SBF2: variants seen among roughly 807,000 people sequenced by gnomAD.
SBF2 encodes myotubularin-related protein 13.
SBF2 carries 112 observed loss-of-function variants against 225.2 expected under a neutral mutation model. That is an observed-to-expected ratio of 0.50 (90% CI 0.43 to 0.58). The LOEUF (loss-of-function observed/expected upper bound fraction) is 0.58, where lower values mean the gene tolerates loss of function less well. Ranked by LOEUF, SBF2 falls within the 20% of genes least tolerant of loss-of-function variation. The probability of loss-of-function intolerance (pLI) is 0.00; values close to 1 mark genes in which losing one functional copy is unlikely to be tolerated. For synonymous variants in SBF2, 763 were observed against 773.3 expected, an observed-to-expected ratio of 0.99 and a Z score of 0.22; for missense variants, 1,996 against 2,206.2, an observed-to-expected ratio of 0.90 and a Z score of 1.91.
intron 16 of SBF2, among the ~76,000 whole-genome samples, chr11:9,934,122 G>A (rs1196741781): frequency 6.6e-6 from 1 of 151,412 alleles, no homozygotes; most frequent in Non-Finnish European, 1.5e-5. Flanking sequence ...ATGATAAAGG[G>A]GATATCACCA....
intron 17 of SBF2, among the ~76,000 whole-genome samples, chr11:9,886,745 C>A (rs367780428): frequency 6.9e-6 from 1 of 144,570 alleles, no homozygotes; most frequent in African/African-American, 2.5e-5. Flanking sequence ...ACTTCACCCA[C>A]TCTTTATCTC....
At chr11:9,809,225 G>C (rs888531766) in intron 30 of SBF2, 10 of 465,254 alleles carry the variant, frequency 2.1e-5, no homozygotes, top group Non-Finnish European at 3.9e-5. Context: ...CAGCACTTTG[G>C]GAGGCCGAGC....
At chr11:9,851,893 C>T (rs920308363) in intron 21 of SBF2, among the ~76,000 whole-genome samples, 5 of 152,158 alleles carry the variant, frequency 3.3e-5, no homozygotes, top group Non-Finnish European at 7.3e-5. Context: ...ACTTCAGCCT[C>T]CTGAGTATCT....
chr11:10,111,797 A>G (rs1952868128), intron 2 of SBF2, among the ~76,000 whole-genome samples: 1 of 152,232 alleles, frequency 6.6e-6, no homozygotes, highest in South Asian at 2.1e-4. Flanking sequence ...GAATCGCTTG[A>G]ACCCGGGAGA....
At chr11:9,938,408 G>T (rs538155967) in intron 16 of SBF2, among the ~76,000 whole-genome samples, 6 of 148,188 alleles carry the variant, frequency 4.0e-5, no homozygotes, top group Admixed American at 6.7e-5. Context: ...TCGGGGAACT[G>T]AACAGTATTG....
At chr11:10,026,464 C>A (rs990657415) in intron 6 of SBF2, among the ~76,000 whole-genome samples, 3 of 152,180 alleles carry the variant, frequency 2.0e-5, no homozygotes, top group African/African-American at 7.2e-5. Flanking sequence ...CATGCAGTGG[C>A]TCATGCCTAT....
chr11:10,008,880 C>A, intron 6 of SBF2, among the ~76,000 whole-genome samples: 1 of 152,292 alleles, frequency 6.6e-6, no homozygotes, highest in East Asian at 1.9e-4. Context: ...CTGGAGCAGC[C>A]TTCTCAATGC....
rs148625171 is a variant in SBF2 at position 9,845,737 on chromosome 11, T to C, written c.2938A>G (p.Ile980Val). Residue 980 changes from isoleucine to valine, a missense_variant, in exon 24 of 40, where the codon ATT (isoleucine) becomes GTT (valine). Transcript: ENST00000256190. ...LQITSASFQL[I>V]KVAFDEEVSP... ...ACTTCTTCATCAAATGCTACCTTAATCAACTAGAAGCAAAAGAGATTAAAC... is the reference window on the plus strand; with the variant it reads ...ACTTCTTCATCAAATGCTACCTTAACCAACTAGAAGCAAAAGAGATTAAAC... 3.9e-5 allele frequency: 63 copies of C among 1,613,492 alleles called. No individual in the cohort carries two copies. In the African/African-American group the frequency reaches 7.3e-4, roughly 19 times the overall value.
At chr11:10,116,949 A>G (rs1953170439) in intron 2 of SBF2, among the ~76,000 whole-genome samples, 1 of 152,242 alleles carries the variant, frequency 6.6e-6, no homozygotes, top group South Asian at 2.1e-4. Context: ...TATGGAAAAC[A>G]TTATTGATCA....
At chr11:9,893,977 G>T (rs1289260668) in intron 17 of SBF2, among the ~76,000 whole-genome samples, 2 of 152,164 alleles carry the variant, frequency 1.3e-5, no homozygotes, top group Non-Finnish European at 1.5e-5. Flanking sequence ...CAGGCGTGGT[G>T]GCTCACCACT....
chr11:10,076,924 A>G (rs1463287374), intron 2 of SBF2, among the ~76,000 whole-genome samples: 1 of 152,168 alleles, frequency 6.6e-6, no homozygotes, highest in Non-Finnish European at 1.5e-5. Context: ...ATCAACCTGC[A>G]TCTGAGGAAG....
intron 3 of SBF2, among the ~76,000 whole-genome samples, chr11:10,041,363 C>T (rs558409664): frequency 9.0e-4 from 137 of 152,230 alleles, no homozygotes; most frequent in African/African-American, 3.1e-3. Flanking sequence ...TTTCTGTCCC[C>T]ATTGATAACA....
intron 14 of SBF2, among the ~76,000 whole-genome samples, chr11:9,964,971 A>C (rs940304950): frequency 6.6e-6 from 1 of 152,102 alleles, no homozygotes; most frequent in East Asian, 1.9e-4. Flanking sequence ...CCATCAACCA[A>C]AATGATGTAT....
chr11:10,218,320 A>ACC (rs57770393), intron 1 of SBF2, among the ~76,000 whole-genome samples: 6 of 76,552 alleles, frequency 7.8e-5, no homozygotes, highest in African/African-American at 1.4e-4. Context: ...GGAAAGACCC[A>ACC]CCCCCCCCCC....
At chr11:9,858,640 C>A (rs1365515759) in intron 17 of SBF2, among the ~76,000 whole-genome samples, 1 of 152,022 alleles carries the variant, frequency 6.6e-6, no homozygotes, top group Non-Finnish European at 1.5e-5. Flanking sequence ...AGCTAAAAAT[C>A]AAAGCTGTTA....
intron 2 of SBF2, among the ~76,000 whole-genome samples, chr11:10,184,571 C>G (rs1192482557): frequency 4.6e-5 from 7 of 152,158 alleles, no homozygotes; most frequent in Non-Finnish European, 1.0e-4. Flanking sequence ...CTCTTTCCAT[C>G]TTGCAAAATT....
chr11:9,893,601 T>A (rs929872037), intron 17 of SBF2, among the ~76,000 whole-genome samples: 1 of 152,204 alleles, frequency 6.6e-6, no homozygotes, highest in Non-Finnish European at 1.5e-5. Context: ...GTTTCAGTGG[T>A]ACCCCAGGTG....
intron 2 of SBF2, among the ~76,000 whole-genome samples, chr11:10,100,506 TAGAG>T (rs1252018711): frequency 1.3e-5 from 2 of 152,234 alleles, no homozygotes; most frequent in African/African-American, 2.4e-5. Context: ...TTAACTGCAA[TAGAG>T]AAACAGTCCT....
chr11:9,836,469 C>T (rs1855742850), intron 26 of SBF2, among the ~76,000 whole-genome samples: 2 of 152,142 alleles, frequency 1.3e-5, no homozygotes, highest in Admixed American at 1.3e-4. Context: ...CTCCACTGGT[C>T]CGTTTGTCCA....
Sources: gnomAD v4.1 joint callset for allele counts (sites outside exome capture counted in the v4.1 genomes callset) on GRCh38, gnomAD v4.1.1 for gene constraint, MANE v1.5 for transcripts, NCBI Gene and HGNC (gene_info 2026-07-23, HGNC 2026-07-21) for gene names.